The following PKP4 variants were observed in gnomAD, a reference collection of about 807,000 sequenced individuals.
PKP4 encodes the protein plakophilin-4.
PKP4 carries 90 observed loss-of-function variants against 145.1 expected under a neutral mutation model. The observed-to-expected ratio is 0.62, with a 90% CI of 0.52 to 0.74. The LOEUF is 0.74. Ranked by LOEUF, PKP4 falls within the 30% of genes least tolerant of loss-of-function variation. PKP4 has a pLI of 0.00. For missense variants in PKP4, 1,340 were observed against 1,482.7 expected (o/e 0.90, Z 1.58); for synonymous variants, 563 against 577.2 (o/e 0.98, Z 0.35).
chr2:158,561,793 C>CTTTTT lies in PKP4; in HGVS notation c.133-15469_133-15465dup, dbSNP rs758042959. ...CAAATGAATGTATAATCAAGTCAGT[C>CTTTTT]TTTTTTTTTTTTTAATTTAAGTTCT... is the stretch of plus-strand genomic sequence containing the variant. On this transcript the variant is annotated intron_variant, in intron 2 of 21. Transcript: ENST00000389759. 2.1e-3 allele frequency among the ~76,000 whole-genome samples: 298 copies of CTTTTT among 145,276 alleles called. 4 individuals carry two copies. Among genetic ancestry groups the CTTTTT allele is most frequent in the Middle Eastern group, 3.6e-3 (1 of 276 alleles).
chr2:158,471,496 A>C (rs964334758), intron 1 of PKP4, among the ~76,000 whole-genome samples: 2 of 152,222 alleles, frequency 1.3e-5, no homozygotes, highest in Non-Finnish European at 2.9e-5. Context: ...CTCATTGTCA[A>C]AAAAAGCCTT....
At chr2:158,644,289 A>C (rs939370822) in intron 11 of PKP4, among the ~76,000 whole-genome samples, 1 of 152,232 alleles carries the variant, frequency 6.6e-6, no homozygotes, top group Non-Finnish European at 1.5e-5. Context: ...GGGGTGGAGC[A>C]GTCAGAGAAA....
At chr2:158,617,323 A>AT (rs540649519) in intron 4 of PKP4, among the ~76,000 whole-genome samples, 42 of 148,826 alleles carry the variant, frequency 2.8e-4, no homozygotes, top group African/African-American at 6.6e-4. Context: ...ATGTTTGTGA[A>AT]TTTTTTTTTT....
At position 158,530,773 on chromosome 2, in the gene PKP4, G is replaced by T. The variant is rs147701354; in HGVS notation, c.-5-2407G>T. Among the ~76,000 whole-genome samples the T allele has an allele frequency of 7.2e-3, 1,088 of 152,100 alleles. 7 individuals are homozygous for T. Among genetic ancestry groups the T allele is most frequent in the Non-Finnish European group, 0.012 (801 of 67,986 alleles). ...CCCTTAGTAACGACAGGTACCATTG[G>T]CTTTGCTCCTCATCTAATGACTGTT... is the stretch of plus-strand genomic sequence containing the variant. On this transcript the variant is annotated intron_variant, in intron 1 of 21. Coordinates refer to ENST00000389759, the MANE Select transcript of PKP4 (RefSeq NM_003628.6).
intron 21 of PKP4, 44 bp from the exon 22 acceptor site, chr2:158,680,385 T>TA (rs770175657): frequency 2.0e-6 from 3 of 1,489,510 alleles, no homozygotes; most frequent in East Asian, 4.5e-5. Context: ...CATGTATTTT[T>TA]AAAAAATTGC....
At chr2:158,466,818 A>G (rs1192150014) in intron 1 of PKP4, among the ~76,000 whole-genome samples, 1 of 152,238 alleles carries the variant, frequency 6.6e-6, no homozygotes, top group Non-Finnish European at 1.5e-5. Flanking sequence ...TTATCATACT[A>G]CTAATAGGCA....
intron 2 of PKP4, among the ~76,000 whole-genome samples, chr2:158,544,168 C>T (rs1320124548): frequency 6.6e-6 from 1 of 152,172 alleles, no homozygotes; most frequent in Non-Finnish European, 1.5e-5. Flanking sequence ...CACTTCCTAG[C>T]TTTGTGGCTC....
At chr2:158,636,673 C>A (rs937774515) in intron 9 of PKP4, among the ~76,000 whole-genome samples, 2 of 152,096 alleles carry the variant, frequency 1.3e-5, no homozygotes, top group African/African-American at 2.4e-5. Flanking sequence ...TATTATTTTG[C>A]AGATTACTGA....
intron 1 of PKP4, among the ~76,000 whole-genome samples, chr2:158,478,778 G>A (rs1312658158): frequency 6.6e-6 from 1 of 152,238 alleles, no homozygotes; most frequent in African/African-American, 2.4e-5. Context: ...GGACAGTACA[G>A]AGAATAATGT....
At chr2:158,672,061 G>A (rs1398775070) in intron 17 of PKP4, among the ~76,000 whole-genome samples, 1 of 152,156 alleles carries the variant, frequency 6.6e-6, no homozygotes, top group Non-Finnish European at 1.5e-5. Context: ...GGTATAGGAG[G>A]CCCACCCCAG....
In PKP4 at chr2:158,566,820, A is replaced by G. The variant is rs116103819; in HGVS notation, c.133-10451A>G. 4.8e-3 allele frequency among the ~76,000 whole-genome samples: 733 copies of G among 152,334 alleles called. 1 individual carries two copies. Among genetic ancestry groups the G allele is most frequent in the African/African-American group, 0.016 (669 of 41,572 alleles). The stretch of plus-strand genomic sequence containing the variant: ...CTACAAGACTGAACTAGAATTATTT[A>G]TATCTGCAAACACACACACACACAG... On this transcript the variant is annotated intron_variant, in intron 2 of 21. Coordinates refer to ENST00000389759, the MANE Select transcript of PKP4 (RefSeq NM_003628.6).
chr2:158,518,038 C>T (rs1327431304), intron 1 of PKP4, among the ~76,000 whole-genome samples: 2 of 152,242 alleles, frequency 1.3e-5, no homozygotes, highest in Non-Finnish European at 2.9e-5. Flanking sequence ...GTAGTATTGA[C>T]TTATTCAGTG....
At position 158,496,512 on chromosome 2, in the gene PKP4, A is replaced by G. The variant is rs201449835; in HGVS notation, c.-5-36668A>G. ...TAAACATTCTTTTTCCTCATGGTCCACATCCATCTGTCCTCTGGTCTGAAA... is the reference window on the plus strand; with the variant it reads ...TAAACATTCTTTTTCCTCATGGTCCGCATCCATCTGTCCTCTGGTCTGAAA... On this transcript the variant is annotated intron_variant, in intron 1 of 21. Coordinates refer to ENST00000389759, the MANE Select transcript of PKP4 (RefSeq NM_003628.6). Among the ~76,000 whole-genome samples the G allele has an allele frequency of 6.6e-5, 10 of 152,276 alleles. No individual in the cohort carries two copies. In the East Asian group the frequency reaches 1.9e-3, roughly 29 times the overall value.
rs181411301 is a variant in PKP4, at chr2:158,508,110, A to G, written c.-5-25070A>G. Among the ~76,000 whole-genome samples, 1,095 of 152,112 alleles carry G rather than the reference A, an allele frequency of 7.2e-3. 14 individuals are homozygous for G. The highest frequency in any genetic ancestry group is 0.025 in the African/African-American group (1,043 of 41,510). On this transcript the variant is annotated intron_variant, in intron 1 of 21. Coordinates refer to ENST00000389759, the MANE Select transcript of PKP4 (RefSeq NM_003628.6). ...AGTGGCTCACGCCTGTAATCTCAGC[A>G]CTTTGGGAGGCCAAGATGGGCGGAT... is the stretch of plus-strand genomic sequence containing the variant.
chr2:158,537,392 G>A (rs1192935630), intron 2 of PKP4, among the ~76,000 whole-genome samples: 1 of 152,216 alleles, frequency 6.6e-6, no homozygotes, highest in Non-Finnish European at 1.5e-5. Flanking sequence ...TCTTGGTGAT[G>A]TCACAAAATA....
At chr2:158,563,716 T>C (rs2105744914) in intron 2 of PKP4, among the ~76,000 whole-genome samples, 1 of 12,344 alleles carries the variant, frequency 8.1e-5, no homozygotes, top group South Asian at 4.4e-3. Context: ...ATATTTACCT[T>C]TTTTTTTGGT....
At chr2:158,540,509 A>G (rs1161200425) in intron 2 of PKP4, among the ~76,000 whole-genome samples, 1 of 152,210 alleles carries the variant, frequency 6.6e-6, no homozygotes, top group African/African-American at 2.4e-5. Context: ...AAGTAGACAT[A>G]TAAAGTTGAC....
chr2:158,532,479 T>A (rs568255415), intron 1 of PKP4, among the ~76,000 whole-genome samples: 30 of 152,334 alleles, frequency 2.0e-4, no homozygotes, highest in African/African-American at 7.0e-4. Context: ...GATGTGTAAA[T>A]GAGTTATTAA....
intron 9 of PKP4, 129 bp from the exon 10 acceptor site, chr2:158,640,498 A>G (rs944053772): frequency 6.7e-6 from 6 of 901,192 alleles, no homozygotes; most frequent in African/African-American, 1.7e-5. Context: ...TTAGGTATGT[A>G]TTTTTTAGGA....
Sources: gnomAD v4.1 joint callset for allele counts (sites outside exome capture counted in the v4.1 genomes callset) on GRCh38, gnomAD v4.1.1 for gene constraint, MANE v1.5 for transcripts, NCBI Gene and HGNC (gene_info 2026-07-23, HGNC 2026-07-21) for gene names.